Variants in SENP6 observed in about 807,000 individuals in gnomAD.
The protein encoded by SENP6 is sentrin-specific protease 6.
Under a neutral mutation model 134.5 loss-of-function variants are expected in SENP6, and 41 were observed. That is an observed-to-expected ratio of 0.30 (90% CI 0.24 to 0.40). The LOEUF is 0.40. Among genes scored for constraint, SENP6 ranks in the 10% least tolerant of loss-of-function variants. The pLI, the probability that SENP6 is intolerant of heterozygous loss-of-function variation, is 1.00. For missense variants in SENP6, 1,248 were observed against 1,312.5 expected (o/e 0.95, Z 0.76); for synonymous variants, 395 against 429.8 (o/e 0.92, Z 1.00).
chr6:75,666,792 G>A lies in SENP6; in HGVS notation c.1075G>A (p.Ala359Thr), dbSNP rs753150398. 6.2e-7 allele frequency: 1 copy of A among 1,613,144 alleles called. No homozygotes were observed. The change falls in exon 10 of 24, where the codon GCA (alanine) becomes ACA (threonine). Residue 359 changes from alanine to threonine, a missense_variant. Ala to Thr is a moderately conservative substitution (Grantham distance 58). This residue lies in a region of SENP6 where 733 missense variants were observed against 725.4 expected (regional missense o/e 1.01). Coordinates refer to ENST00000447266, the MANE Select transcript of SENP6 (RefSeq NM_015571.4). ...ESISPQPADS[A>T]CSSPAPSTGK... ...CATATCTCCTCAGCCTGCTGATTCA[G>A]CATGTTCTTCCCCTGCACCATCCAC...
chr6:75,609,879 C>G (rs536238016), intron 1 of SENP6, among the ~76,000 whole-genome samples: 5 of 152,246 alleles, frequency 3.3e-5, no homozygotes, highest in East Asian at 1.9e-4. Context: ...CCTCTGCCTT[C>G]CAGGTTCAAG....
intron 1 of SENP6, among the ~76,000 whole-genome samples, chr6:75,607,301 CAA>C (rs113119967): frequency 7.1e-6 from 1 of 141,258 alleles, no homozygotes. Context: ...CCCTGCCACC[CAA>C]AAAAAAAAAG....
At chr6:75,667,488 G>C (rs1772334386) in intron 10 of SENP6, among the ~76,000 whole-genome samples, 1 of 152,054 alleles carries the variant, frequency 6.6e-6, no homozygotes, top group South Asian at 2.1e-4. Context: ...AATTCATGTA[G>C]TAAACTACCA....
chr6:75,677,533 T>A (rs1773175106), intron 14 of SENP6: 3 of 260,848 alleles, frequency 1.2e-5, no homozygotes, highest in Admixed American at 4.9e-5. Context: ...CATCCTTTTT[T>A]CTTTATACCC....
intron 3 of SENP6, among the ~76,000 whole-genome samples, chr6:75,629,978 A>G (rs1160885313): frequency 6.6e-6 from 1 of 152,018 alleles, no homozygotes; most frequent in Non-Finnish European, 1.5e-5. Flanking sequence ...CTAACAATAG[A>G]TATGGATTGG....
Position 75,603,261 on chromosome 6 carries a change from A to G in SENP6, c.52+685A>G, listed in dbSNP as rs140580831. The stretch of plus-strand genomic sequence containing the variant: ...TTAAACATTTGCTGTAAGTAGACTA[A>G]GCCAGCCTCAAGAAAAGCTGTATGT... On this transcript the variant is annotated intron_variant, in intron 1 of 23. Coordinates refer to ENST00000447266, the MANE Select transcript of SENP6 (RefSeq NM_015571.4). 3.9e-5 allele frequency among the ~76,000 whole-genome samples: 6 copies of G among 152,332 alleles called. No individual in the cohort carries two copies. The East Asian group carries it at 1.2e-3, about 29-fold the overall frequency.
intron 5 of SENP6, among the ~76,000 whole-genome samples, chr6:75,637,403 T>C (rs929252660): frequency 6.6e-6 from 1 of 152,172 alleles, no homozygotes; most frequent in Non-Finnish European, 1.5e-5. Context: ...TAGGTAGTCT[T>C]TGGGTCATAA....
intron 1 of SENP6, among the ~76,000 whole-genome samples, chr6:75,614,790 AT>A (rs1303483691): frequency 3.9e-5 from 6 of 152,250 alleles, no homozygotes; most frequent in African/African-American, 1.4e-4. Context: ...CTGATAGCTT[AT>A]TGCTGGGGAG....
At chr6:75,699,354 C>CTTTTTTTTTTT (rs71544060) in intron 18 of SENP6, among the ~76,000 whole-genome samples, 1 of 115,016 alleles carries the variant, frequency 8.7e-6, no homozygotes, top group Non-Finnish European at 1.8e-5. Context: ...TTTGTTTTTG[C>CTTTTTTTTTTT]TTTTTTTTTT....
intron 12 of SENP6, 46 bp downstream of exon 12, chr6:75,675,514 C>A: frequency 8.6e-7 from 1 of 1,162,930 alleles, no homozygotes; most frequent in African/African-American, 1.6e-5. Context: ...TTCTTTACAC[C>A]AAAGCACTTT....
intron 2 of SENP6, chr6:75,622,881 GTATTT>G: frequency 9.4e-7 from 1 of 1,066,152 alleles, no homozygotes; most frequent in African/African-American, 1.7e-5. Flanking sequence ...TTTAAAGTCA[GTATTT>G]TATGGTTTTC....
intron 7 of SENP6, among the ~76,000 whole-genome samples, chr6:75,657,988 A>G (rs1426629873): frequency 6.6e-6 from 1 of 152,180 alleles, no homozygotes; most frequent in African/African-American, 2.4e-5. Context: ...TTAGAATGAC[A>G]AAGTCATGAT....
intron 2 of SENP6, chr6:75,622,627 G>C: frequency 2.6e-6 from 1 of 379,274 alleles, no homozygotes; most frequent in Non-Finnish European, 5.0e-6. Flanking sequence ...TTTTCTGCTG[G>C]CCAAAATAAA....
intron 3 of SENP6, among the ~76,000 whole-genome samples, chr6:75,631,077 TGTTG>T (rs1456892050): frequency 1.3e-5 from 2 of 152,156 alleles, no homozygotes; most frequent in Admixed American, 1.3e-4. Context: ...ATAGAACTGC[TGTTG>T]GTTCTCTTTC....
chr6:75,693,429 A>G (rs533561273), intron 16 of SENP6, among the ~76,000 whole-genome samples: 1 of 145,422 alleles, frequency 6.9e-6, no homozygotes, highest in East Asian at 1.9e-4. Context: ...AAAAAAAAAA[A>G]CACCAAAGTA....
intron 7 of SENP6, among the ~76,000 whole-genome samples, chr6:75,649,130 AC>A (rs1770672501): frequency 6.6e-6 from 1 of 151,960 alleles, no homozygotes; most frequent in South Asian, 2.1e-4. Flanking sequence ...ACATGGCAAA[AC>A]CCCATCGCTA....
Position 75,666,910 on chromosome 6 carries a change from C to G in SENP6, c.1193C>G (p.Thr398Arg). The change falls in exon 10 of 24, where the codon ACA (threonine) becomes AGA (arginine). Residue 398 changes from threonine (T) to arginine (R), a missense_variant. Physicochemically the swap from Thr to Arg is moderately conservative, Grantham distance 71. Around this residue, in one of 3 missense-constraint regions of SENP6, gnomAD observed 733 missense variants for 725.4 expected, o/e 1.01. Transcript: ENST00000447266. ...GAAGACTCAGAGTTAAATACAGTTACATTGCCAAGAAAAGCAAGAATGAAA... is the reference window on the plus strand; with the variant it reads ...GAAGACTCAGAGTTAAATACAGTTAGATTGCCAAGAAAAGCAAGAATGAAA... ...IPEDSELNTVTLPRKARMKDQ... is the reference protein window; with the variant it reads ...IPEDSELNTVRLPRKARMKDQ... The G allele has an allele frequency of 6.2e-7, 1 of 1,605,266 alleles. No individual in the cohort carries two copies. Among genetic ancestry groups the G allele is most frequent in the South Asian group, 1.1e-5 (1 of 90,272 alleles).
At chr6:75,715,285 G>A (rs540010411) in intron 23 of SENP6, 100 bp from the exon 24 acceptor site, 26 of 857,786 alleles carry the variant, frequency 3.0e-5, no homozygotes, top group Non-Finnish European at 4.1e-5. Context: ...TATTGAATGC[G>A]TTGTTGGGTT....
chr6:75,614,411 G>A (rs1767696294), intron 1 of SENP6, among the ~76,000 whole-genome samples: 2 of 151,798 alleles, frequency 1.3e-5, no homozygotes, highest in Non-Finnish European at 2.9e-5. Context: ...GATTACAGGT[G>A]TGCACCACCA....
Sources: allele counts gnomAD v4.1 joint callset (sites outside exome capture counted in the v4.1 genomes callset), GRCh38; gene constraint gnomAD v4.1.1; regional missense constraint gnomAD v4.1.1; transcripts MANE v1.5; gene names NCBI Gene and HGNC (gene_info 2026-07-23, HGNC 2026-07-21).